The following CSMD3 variants were observed in gnomAD, a reference collection of about 807,000 sequenced individuals.
CSMD3 encodes the protein CUB and Sushi multiple domains 3.
In CSMD3, 177 loss-of-function variants were observed where a neutral mutation model predicts 435.2. That is an observed-to-expected ratio of 0.41 (90% CI 0.36 to 0.46). The LOEUF is 0.46. Among genes scored for constraint, CSMD3 ranks in the 20% least tolerant of loss-of-function variants. The pLI is 0.34. For missense variants in CSMD3, 4,265 were observed against 4,504.6 expected, an observed-to-expected ratio of 0.95 and a Z score of 1.52; for synonymous variants, 1,656 against 1,520.5, an observed-to-expected ratio of 1.09 and a Z score of -2.07.
chr8:112,823,768 C>G (rs897725970), intron 12 of CSMD3, among the ~76,000 whole-genome samples: 1 of 151,924 alleles, frequency 6.6e-6, no homozygotes, highest in Non-Finnish European at 1.5e-5. Context: ...GAATAAAGGC[C>G]ATGTAGCACT....
intron 12 of CSMD3, among the ~76,000 whole-genome samples, chr8:112,820,580 G>A (rs751339029): frequency 6.6e-6 from 1 of 151,260 alleles, no homozygotes; most frequent in Non-Finnish European, 1.5e-5. Flanking sequence ...CTCACTAAAG[G>A]GCAAATTTAC....
At chr8:112,293,660 G>A (rs958165416) in intron 54 of CSMD3, among the ~76,000 whole-genome samples, 1 of 151,932 alleles carries the variant, frequency 6.6e-6, no homozygotes, top group African/African-American at 2.4e-5. Context: ...TTTTAATGCT[G>A]TGTCCCACTA....
rs1389205018 is a variant in CSMD3, at chr8:113,033,334, G to T, written c.918-14155C>A. On this transcript the variant is annotated intron_variant, in intron 5 of 70. Coordinates refer to ENST00000297405, the MANE Select transcript of CSMD3 (RefSeq NM_198123.2). ...GGCTGTACCCTGCAGAGCCACAGGG[G>T]TAGAGCTGCCCAAGACCTGGGAGCC... is the stretch of plus-strand genomic sequence containing the variant. Among the ~76,000 whole-genome samples the T allele has an allele frequency of 2.0e-5, 3 of 151,784 alleles. No individual in the cohort carries two copies. The South Asian group carries it at 6.3e-4, about 32-fold the overall frequency.
intron 12 of CSMD3, among the ~76,000 whole-genome samples, chr8:112,828,450 C>A (rs1209553137): frequency 1.3e-5 from 2 of 151,972 alleles, no homozygotes; most frequent in South Asian, 2.1e-4. Context: ...GTGGGACTTC[C>A]CCCTTTGCTC....
intron 59 of CSMD3, among the ~76,000 whole-genome samples, chr8:112,277,019 A>AAT (rs1818122351): frequency 6.6e-6 from 1 of 152,058 alleles, no homozygotes; most frequent in Non-Finnish European, 1.5e-5. Context: ...GAGCTGCCAC[A>AAT]GACTTCTCTC....
chr8:112,620,734 T>C (rs1834004488), intron 22 of CSMD3, among the ~76,000 whole-genome samples: 1 of 152,156 alleles, frequency 6.6e-6, no homozygotes, highest in Non-Finnish European at 1.5e-5. Context: ...CCCCGCCTCC[T>C]ACTGCATCTT....
At chr8:113,158,003 A>C (rs1335127903) in intron 4 of CSMD3, among the ~76,000 whole-genome samples, 1 of 152,082 alleles carries the variant, frequency 6.6e-6, no homozygotes, top group Non-Finnish European at 1.5e-5. Context: ...GAATTTTGAA[A>C]TCATTTCAAA....
At chr8:112,910,249 T>TA (rs995867758) in intron 10 of CSMD3, among the ~76,000 whole-genome samples, 8 of 151,846 alleles carry the variant, frequency 5.3e-5, no homozygotes, top group African/African-American at 1.9e-4. Context: ...ATCACTGAGC[T>TA]AAATGAAACC....
intron 5 of CSMD3, among the ~76,000 whole-genome samples, chr8:113,030,265 T>C (rs2087037793): frequency 6.7e-6 from 1 of 149,092 alleles, no homozygotes; most frequent in Admixed American, 6.7e-5. Flanking sequence ...ATTACAGAAT[T>C]AGAAAAAAAA....
chr8:113,359,239 T>C (rs1275332463), intron 1 of CSMD3, among the ~76,000 whole-genome samples: 2 of 152,182 alleles, frequency 1.3e-5, no homozygotes, highest in African/African-American at 4.8e-5. Context: ...AGGATCCCTT[T>C]ATTTAATTGG....
chr8:112,644,632 C>A (rs73702364), intron 20 of CSMD3, among the ~76,000 whole-genome samples: 2,801 of 152,020 alleles, frequency 0.018, 79 homozygotes, highest in African/African-American at 0.065. Context: ...GAATCTGAGA[C>A]ACAGATATTT....
intron 5 of CSMD3, among the ~76,000 whole-genome samples, chr8:113,041,392 C>T (rs935857444): frequency 6.6e-6 from 1 of 152,004 alleles, no homozygotes; most frequent in African/African-American, 2.4e-5. Flanking sequence ...TCCACCCTCG[C>T]CTTGGGATGT....
intron 3 of CSMD3, among the ~76,000 whole-genome samples, chr8:113,187,063 A>G (rs1480748649): frequency 6.6e-6 from 1 of 151,670 alleles, no homozygotes; most frequent in East Asian, 1.9e-4. Flanking sequence ...TACAATATTT[A>G]TTCTCATGAA....
At chr8:112,419,941 C>CA (rs1812300443) in intron 32 of CSMD3, among the ~76,000 whole-genome samples, 2 of 151,974 alleles carry the variant, frequency 1.3e-5, no homozygotes, top group Non-Finnish European at 2.9e-5. Context: ...ACAGAAAAGC[C>CA]AAATAAAAAG....
chr8:112,925,895 A>T (rs1587687122), intron 9 of CSMD3, among the ~76,000 whole-genome samples: 1 of 152,320 alleles, frequency 6.6e-6, no homozygotes, highest in Non-Finnish European at 1.5e-5. Context: ...TTTAAAATGC[A>T]GATTTAGAAT....
chr8:113,064,449 A>T (rs2131376542), intron 5 of CSMD3, among the ~76,000 whole-genome samples: 1 of 152,286 alleles, frequency 6.6e-6, no homozygotes, highest in South Asian at 2.1e-4. Context: ...AAAAATAAAT[A>T]AATTATGCAA....
At chr8:112,402,664 A>G (rs1831442970) in intron 35 of CSMD3, among the ~76,000 whole-genome samples, 1 of 152,286 alleles carries the variant, frequency 6.6e-6, no homozygotes, top group Admixed American at 6.5e-5. Context: ...AAATTATGTA[A>G]ATAATTACTG....
At chr8:112,433,654 C>CAAAAAAAAAAAA (rs35572894) in intron 32 of CSMD3, among the ~76,000 whole-genome samples, 54 of 93,086 alleles carry the variant, frequency 5.8e-4, no homozygotes, top group South Asian at 1.3e-3. Context: ...GAGAACCTGT[C>CAAAAAAAAAAAA]AAAAAAAAAA....
chr8:112,339,619 G>A (rs747594465), intron 42 of CSMD3, among the ~76,000 whole-genome samples: 6 of 152,214 alleles, frequency 3.9e-5, no homozygotes, highest in Non-Finnish European at 5.9e-5. Flanking sequence ...ATCTTGTACC[G>A]GTGACAACAG....
Sources: allele counts gnomAD v4.1 joint callset (sites outside exome capture counted in the v4.1 genomes callset), GRCh38; gene constraint gnomAD v4.1.1; transcripts MANE v1.5; gene names NCBI Gene and HGNC (gene_info 2026-07-23, HGNC 2026-07-21).